The following STAT5B variants were observed in gnomAD, a reference collection of about 807,000 sequenced individuals.
STAT5B encodes the protein transcription factor STAT5B.
STAT5B carries 21 observed loss-of-function variants against 107.8 expected under a neutral mutation model. The observed-to-expected ratio is 0.19, with a 90% CI of 0.14 to 0.28. STAT5B has a LOEUF of 0.28. Ranked by LOEUF, STAT5B falls within the 10% of genes least tolerant of loss-of-function variation. The probability of loss-of-function intolerance (pLI) is 1.00; values close to 1 mark genes in which losing one functional copy is unlikely to be tolerated. For missense variants in STAT5B, 565 were observed against 1,008.2 expected, an observed-to-expected ratio of 0.56 and a Z score of 5.95; for synonymous variants, 325 against 401.7, an observed-to-expected ratio of 0.81 and a Z score of 2.28.
Position 42,218,883 on chromosome 17 carries a change from A to T in STAT5B, c.834-5T>A. On this transcript the variant is annotated splice_polypyrimidine_tract_variant and splice_region_variant and intron_variant, in intron 7 of 18. Coordinates refer to ENST00000293328, the MANE Select transcript of STAT5B (RefSeq NM_012448.4). ...ATCTCGGCCAACTTCTCACACCTGC[A>T]CGAGAGCCCCAAGGCCAACAGGAGG... 1 of 1,613,806 alleles carries T rather than the reference A, an allele frequency of 6.2e-7. No individual in the cohort carries two copies.
At chr17:42,217,600 C>T in intron 9 of STAT5B, 136 bp from the exon 10 acceptor site, 1 of 838,128 alleles carries the variant, frequency 1.2e-6, no homozygotes, top group Non-Finnish European at 2.0e-6. Flanking sequence ...ATGTTAGCTA[C>T]ATAACACATA....
At chr17:42,210,598 C>T (rs1567656055) in intron 13 of STAT5B, 101 bp from the exon 14 acceptor site, 2 of 1,107,030 alleles carry the variant, frequency 1.8e-6, no homozygotes, top group Non-Finnish European at 2.7e-6. Context: ...CAAACATCTA[C>T]CCTTGTCAGA....
chr17:42,203,872 C>A (rs1567653623), intron 16 of STAT5B, among the ~76,000 whole-genome samples: 1 of 151,996 alleles, frequency 6.6e-6, no homozygotes, highest in East Asian at 1.9e-4. Flanking sequence ...AGTGATCCAC[C>A]CGCCTTGGCC....
intron 1 of STAT5B, chr17:42,234,256 A>AG (rs1163131222): frequency 6.6e-6 from 1 of 152,230 alleles, no homozygotes; most frequent in Non-Finnish European, 1.5e-5. Flanking sequence ...AATGAGGTGT[A>AG]GGGGAGTGCC....
chr17:42,217,129 A>G lies in STAT5B; in HGVS notation c.1380+31T>C, dbSNP rs182094257. On this transcript the variant is annotated intron_variant, in intron 11 of 18. Coordinates refer to ENST00000293328, the MANE Select transcript of STAT5B (RefSeq NM_012448.4). ...AAGTACACCACACACACACACGCAC[A>G]CGCACACGCAGAGCTGAGGGAAGGC... 570 of 1,600,470 alleles carry G rather than the reference A, an allele frequency of 3.6e-4. 2 individuals carry two copies. The African/African-American group carries it at 6.8e-3, about 19-fold the overall frequency.
At chr17:42,260,741 T>A in intron 1 of STAT5B, among the ~76,000 whole-genome samples, 1 of 152,264 alleles carries the variant, frequency 6.6e-6, no homozygotes, top group Non-Finnish European at 1.5e-5. Flanking sequence ...ATAATTTTTA[T>A]ATATTAAAGT....
At position 42,251,918 on chromosome 17, in the gene STAT5B, G is replaced by A. The variant is rs528445123; in HGVS notation, c.-10-19781C>T. ...GGAGGCTGAGGCAGGAGAATGGCTCGAACCCAGGAGGTGGAGGTTGCAGTG... is the reference window on the plus strand; with the variant it reads ...GGAGGCTGAGGCAGGAGAATGGCTCAAACCCAGGAGGTGGAGGTTGCAGTG... On this transcript the variant is annotated intron_variant, in intron 1 of 18. Coordinates refer to ENST00000293328, the MANE Select transcript of STAT5B (RefSeq NM_012448.4). Among the ~76,000 whole-genome samples, 7 of 150,096 alleles carry A rather than the reference G, an allele frequency of 4.7e-5. No homozygotes were observed. The East Asian group carries it at 9.7e-4, about 21-fold the overall frequency.
intron 1 of STAT5B, among the ~76,000 whole-genome samples, chr17:42,250,926 A>C (rs1482705446): frequency 6.6e-6 from 1 of 150,770 alleles, no homozygotes; most frequent in African/African-American, 2.4e-5. Context: ...TCTGTCTCAA[A>C]AAAAAAAAAA....
the STAT5B span, among the ~76,000 whole-genome samples, chr17:42,286,006 G>C: frequency 6.6e-6 from 1 of 152,078 alleles, no homozygotes; most frequent in African/African-American, 2.4e-5. Flanking sequence ...GATCACCTGA[G>C]GTCGGGAGTT....
At chr17:42,262,964 GTGTGTGTATATATA>G (rs1243198414) in intron 1 of STAT5B, among the ~76,000 whole-genome samples, 55 of 39,348 alleles carry the variant, frequency 1.4e-3, no homozygotes, top group African/African-American at 6.3e-3. Context: ...GTGTGTGTGT[GTGTGTGTATATATA>G]TATATATATA....
chr17:42,223,235 G>C (rs2080245150), intron 5 of STAT5B, 147 bp downstream of exon 5: 13 of 1,215,166 alleles, frequency 1.1e-5, no homozygotes, highest in Non-Finnish European at 5.9e-6. Flanking sequence ...TCTCAGCACT[G>C]TCTTCAATGC....
intron 1 of STAT5B, chr17:42,269,835 A>G (rs1207309381): frequency 2.1e-5 from 3 of 141,708 alleles, no homozygotes; most frequent in Non-Finnish European, 3.1e-5. Context: ...ATCATAAATG[A>G]AAAAAAAAAA....
intron 13 of STAT5B, 130 bp from the exon 14 acceptor site, chr17:42,210,627 C>G: frequency 1.1e-6 from 1 of 883,392 alleles, no homozygotes; most frequent in Admixed American, 2.0e-5. Flanking sequence ...AATATCCCCG[C>G]CTACCTGAGT....
chr17:42,240,586 T>G (rs1256861774), intron 1 of STAT5B, among the ~76,000 whole-genome samples: 1 of 152,202 alleles, frequency 6.6e-6, no homozygotes, highest in African/African-American at 2.4e-5. Flanking sequence ...TGTATAACTC[T>G]GAGAATATAC....
chr17:42,238,399 G>A (rs1411922444), intron 1 of STAT5B, among the ~76,000 whole-genome samples: 3 of 142,906 alleles, frequency 2.1e-5, no homozygotes, highest in Non-Finnish European at 4.5e-5. Context: ...ATCCTCCCAA[G>A]TCAGCCTCCC....
intron 1 of STAT5B, among the ~76,000 whole-genome samples, chr17:42,250,174 C>T (rs1348913994): frequency 6.6e-6 from 1 of 152,178 alleles, no homozygotes; most frequent in Non-Finnish European, 1.5e-5. Flanking sequence ...TACCCCATGT[C>T]GTTGGCTCTA....
chr17:42,202,729 G>A, intron 17 of STAT5B, 28 bp downstream of exon 17: 1 of 1,613,552 alleles, frequency 6.2e-7, no homozygotes, highest in Non-Finnish European at 8.5e-7. Flanking sequence ...AGAGGCAGAA[G>A]GAGAGCCACA....
Position 42,201,080 on chromosome 17 carries a change from TA to T in STAT5B, c.*657del, listed in dbSNP as rs2080039800. Reference sequence around the variant, plus strand: ...AGGACAAAGAGAGAATAAGATGAGCTAAATGTTTTGTGAAAAGCCACCGCCC... The same window carrying T: ...AGGACAAAGAGAGAATAAGATGAGCTAATGTTTTGTGAAAAGCCACCGCCC... On this transcript the variant is annotated 3_prime_UTR_variant, in exon 19 of 19. Transcript: ENST00000293328. The T allele has an allele frequency of 9.9e-6, 4 of 403,726 alleles. No individual in the cohort carries two copies. The South Asian group carries it at 3.6e-4, about 36-fold the overall frequency. 25.0% of individuals were successfully genotyped at this position (403,726 alleles called of 1,614,324 possible).
At chr17:42,228,376 C>T (rs2080291460) in intron 2 of STAT5B, among the ~76,000 whole-genome samples, 1 of 152,040 alleles carries the variant, frequency 6.6e-6, no homozygotes, top group African/African-American at 2.4e-5. Flanking sequence ...GGATGGTCTC[C>T]CTCCCTCCTT....
Sources: gnomAD v4.1 joint callset for allele counts (sites outside exome capture counted in the v4.1 genomes callset) on GRCh38, gnomAD v4.1.1 for gene constraint, MANE v1.5 for transcripts, NCBI Gene and HGNC (gene_info 2026-07-23, HGNC 2026-07-21) for gene names.